The following SORBS3 variants were observed in gnomAD, a reference collection of about 807,000 sequenced individuals.
The protein encoded by SORBS3 is vinexin.
Under a neutral mutation model 98.0 loss-of-function variants are expected in SORBS3, and 69 were observed. The ratio of observed to expected loss-of-function variants is 0.70; its 90% CI spans 0.58 to 0.86. SORBS3 has a LOEUF of 0.86. Ranked by LOEUF, SORBS3 falls within the 40% of genes least tolerant of loss-of-function variation. The pLI is 0.00. For synonymous variants in SORBS3, 394 were observed against 355.4 expected, an observed-to-expected ratio of 1.11 and a Z score of -1.22; for missense variants, 954 against 908.5, an observed-to-expected ratio of 1.05 and a Z score of -0.64.
rs1840152806 is a variant in SORBS3, at chr8:22,554,753, C to T, written c.103-110C>T. 5.1e-6 allele frequency: 7 copies of T among 1,369,234 alleles called. No homozygotes were observed. Among genetic ancestry groups the T allele is most frequent in the Non-Finnish European group, 7.0e-6 (7 of 1,004,190 alleles). The allele number at this position is 1,369,234 out of a possible 1,614,324, so 84.8% of individuals were successfully genotyped here. The stretch of plus-strand genomic sequence containing the variant: ...GGGCCTCGCTGGTTTCCCACAAAAT[C>T]GTCAGGCGGGCCTGGGACTGTCACC... On this transcript the variant is annotated intron_variant, in intron 2 of 20. Transcript: ENST00000240123. The surrounding 1 kb of genome is among the most constrained non-coding windows in gnomAD (Gnocchi z 6.5).
At position 22,551,979 on chromosome 8, in the gene SORBS3, G is replaced by T. The variant is rs897137100; in HGVS notation, c.-99G>T. On this transcript the variant is annotated 5_prime_UTR_variant, in exon 1 of 21. Coordinates refer to ENST00000240123, the MANE Select transcript of SORBS3 (RefSeq NM_005775.5). The surrounding 1 kb of genome is among the most constrained non-coding windows in gnomAD (Gnocchi z 5.8). ...AGCAGCCGGGCAGGGATGCTCCTGC[G>T]CTCCCGGGCGGCCTCGGGCCCAGCC... 1 of 985,038 alleles carries T rather than the reference G, an allele frequency of 1.0e-6. No individual in the cohort carries two copies. The highest frequency in any genetic ancestry group is 6.1e-5 in the Admixed American group (1 of 16,270). 61.0% of individuals were successfully genotyped at this position (985,038 alleles called of 1,614,324 possible).
At chr8:22,558,792 C>G (rs188671014) in intron 5 of SORBS3, among the ~76,000 whole-genome samples, 297 of 152,302 alleles carry the variant, frequency 2.0e-3, no homozygotes, top group African/African-American at 6.7e-3. Context: ...CACCCAGGAG[C>G]GGCCAGGAAG....
At chr8:22,563,645 T>C (rs1244295867) in intron 7 of SORBS3, among the ~76,000 whole-genome samples, 1 of 151,996 alleles carries the variant, frequency 6.6e-6, no homozygotes, top group African/African-American at 2.4e-5. Flanking sequence ...CAGGAGAGGG[T>C]CGGGCCACAC....
chr8:22,565,686 G>C (rs1408556938), intron 11 of SORBS3, 140 bp from the exon 12 acceptor site: 8 of 1,211,796 alleles, frequency 6.6e-6, no homozygotes, highest in Non-Finnish European at 8.2e-6. Context: ...TCCCGGGATC[G>C]GCCGCGCGGG....
chr8:22,547,875 TC>T (rs1840032074), upstream of SORBS3, among the ~76,000 whole-genome samples: 1 of 152,160 alleles, frequency 6.6e-6, no homozygotes, highest in South Asian at 2.1e-4. Context: ...TATCAAAACT[TC>T]CTTGAGGACA....
In SORBS3 at chr8:22,556,795, C is replaced by CAGAACTGGTCAGCCACGT; in HGVS notation, c.302_319dup (p.Thr106_Trp107insTer). On this transcript the variant is annotated stop_gained and inframe_insertion, in exon 4 of 21. Transcript: ENST00000240123. LOFTEE classifies it high-confidence loss of function. ...AAAGATCCCTGCCTCCCAGCACACCCAGAACTGGTCAGCCACGTGGACCAA... is the reference window on the plus strand; with the variant it reads ...AAAGATCCCTGCCTCCCAGCACACCCAGAACTGGTCAGCCACGTAGAACTGGTCAGCCACGTGGACCAA... The CAGAACTGGTCAGCCACGT allele has an allele frequency of 6.2e-7, 1 of 1,613,802 alleles. No homozygotes were observed. The highest frequency in any genetic ancestry group is 8.5e-7 in the Non-Finnish European group (1 of 1,180,038).
In SORBS3 at chr8:22,572,361, C is replaced by G. The variant is rs756521187; in HGVS notation, c.1869C>G (p.Tyr623Ter). The G allele has an allele frequency of 6.2e-7, 1 of 1,614,062 alleles. No homozygotes were observed. Among genetic ancestry groups the G allele is most frequent in the Non-Finnish European group, 8.5e-7 (1 of 1,179,956 alleles). ...GCAGGTACCGGGCGATGTACCAGTA[C>G]AGGCCCCAGAACGAAGACGAGCTGG... ...HWTPYRAMYQ[Y>*]RPQNEDELEL... The change falls in exon 20 of 21, where the codon TAC becomes TAG. Residue 623 changes from tyrosine to a stop codon, truncating the protein, a stop_gained. Transcript: ENST00000240123. LOFTEE classifies it high-confidence loss of function.
At chr8:22,574,147 C>T (rs1586911587) in intron 20 of SORBS3, among the ~76,000 whole-genome samples, 2 of 151,956 alleles carry the variant, frequency 1.3e-5, no homozygotes, top group East Asian at 3.9e-4. Flanking sequence ...TGCCAGGCCC[C>T]CCAGATGCTT....
intron 5 of SORBS3, among the ~76,000 whole-genome samples, chr8:22,559,336 A>C (rs1241761810): frequency 1.3e-5 from 2 of 152,186 alleles, no homozygotes; most frequent in Non-Finnish European, 2.9e-5. Context: ...AGAGAGAGTC[A>C]AGGATGGTTT....
upstream of SORBS3, among the ~76,000 whole-genome samples, chr8:22,550,857 C>CT (rs1486735829): frequency 1.3e-5 from 2 of 152,200 alleles, no homozygotes; most frequent in Admixed American, 6.5e-5. Context: ...TGGTTTGGGG[C>CT]TTGGGGATCC....
intron 3 of SORBS3, 54 bp from the exon 4 acceptor site, chr8:22,556,661 G>A (rs1170385671): frequency 6.6e-7 from 1 of 1,522,644 alleles, no homozygotes. Flanking sequence ...GGACACACAG[G>A]TTCAGGTGGA....
At chr8:22,571,666 G>T in intron 18 of SORBS3, 52 bp from the exon 19 acceptor site, 7 of 1,387,128 alleles carry the variant, frequency 5.0e-6, no homozygotes, top group Non-Finnish European at 7.2e-6. Context: ...AGGCTTACAT[G>T]TACCCATCGT....
chr8:22,563,002 C>T (rs1840327535), intron 7 of SORBS3, among the ~76,000 whole-genome samples: 1 of 152,046 alleles, frequency 6.6e-6, no homozygotes, highest in African/African-American at 2.4e-5. Flanking sequence ...GCCTGTAGTC[C>T]CATCTACTCG....
Position 22,574,888 on chromosome 8 carries a change from C to A in SORBS3, c.*160C>A, listed in dbSNP as rs746335735. 5.6e-6 allele frequency: 4 copies of A among 718,232 alleles called. No homozygotes were observed. The highest frequency in any genetic ancestry group is 4.3e-5 in the South Asian group (3 of 69,120). The allele number at this position is 718,232 out of a possible 1,614,324, so 44.5% of individuals were successfully genotyped here. The stretch of plus-strand genomic sequence containing the variant: ...CCTTTCCCTCGGACCCCCCTCGAAG[C>A]CCCCTGGACTGATTCCCACCCACGA... On this transcript the variant is annotated 3_prime_UTR_variant, in exon 21 of 21. Coordinates refer to ENST00000240123, the MANE Select transcript of SORBS3 (RefSeq NM_005775.5).
intron 11 of SORBS3, 25 bp downstream of exon 11, chr8:22,565,379 C>G: frequency 2.7e-6 from 4 of 1,506,448 alleles, no homozygotes; most frequent in South Asian, 2.5e-5. Context: ...GGTTCACCCG[C>G]GGGGCACGCC....
intron 5 of SORBS3, 76 bp downstream of exon 5, chr8:22,558,268 A>T (rs1840226009): frequency 1.4e-6 from 2 of 1,403,578 alleles, no homozygotes. Flanking sequence ...CAGGGAAAGA[A>T]AAGGGGACTT....
chr8:22,551,851 T>A (rs1586886599), upstream of SORBS3: 1 of 985,146 alleles, frequency 1.0e-6, no homozygotes, highest in African/African-American at 1.7e-5. This position sits in a 1 kb window ranked among gnomAD's most constrained non-coding sequence, Gnocchi z 5.8. Context: ...TCCCTCTTCC[T>A]GCGCCGGCGC....
At position 22,564,314 on chromosome 8, in the gene SORBS3, T is replaced by C. The variant is rs75023966; in HGVS notation, c.707T>C (p.Val236Ala). The C allele has an allele frequency of 2.5e-3, 4,097 of 1,612,420 alleles. 97 individuals carry two copies. In the African/African-American group the frequency reaches 0.048, roughly 19 times the overall value. Residue 236 changes from valine to alanine, a missense_variant, in exon 9 of 21, where the codon GTC becomes GCC. By Grantham distance (64) the Val-to-Ala change is moderately conservative. Transcript: ENST00000240123. ...AGACGCCGGGAAAAAGTAGACAATG[T>C]CTGGACGGAAGAGTCCTGGAACCAG... ...VLRRREKVDN[V>A]WTEESWNQFL...
At chr8:22,563,266 C>T (rs1840333327) in intron 7 of SORBS3, among the ~76,000 whole-genome samples, 1 of 152,172 alleles carries the variant, frequency 6.6e-6, no homozygotes, top group Non-Finnish European at 1.5e-5. Context: ...TTTGATAAGC[C>T]TGATGCAGTG....
Sources: gnomAD v4.1 joint callset for allele counts (sites outside exome capture counted in the v4.1 genomes callset) on GRCh38, gnomAD v4.1.1 for gene constraint, Gnocchi (gnomAD v3.1) non-coding constraint, MANE v1.5 for transcripts, NCBI Gene and HGNC (gene_info 2026-07-23, HGNC 2026-07-21) for gene names.